XKR9: variants seen among roughly 807,000 people sequenced by gnomAD.
XKR9 encodes XK related 9.
XKR9 carries 32 observed loss-of-function variants against 32.0 expected under a neutral mutation model. The observed-to-expected ratio is 1.00, with a 90% CI of 0.76 to 1.34. XKR9 has a LOEUF of 1.34. XKR9 is among the 40% of genes most tolerant of loss of function. The pLI, the probability that XKR9 is intolerant of heterozygous loss-of-function variation, is 0.00. For missense variants in XKR9, 546 were observed against 429.7 expected, an observed-to-expected ratio of 1.27 and a Z score of -2.39; for synonymous variants, 168 against 143.4, an observed-to-expected ratio of 1.17 and a Z score of -1.22.
At chr8:70,952,328 T>A in the XKR9 span, among the ~76,000 whole-genome samples, 1 of 152,166 alleles carries the variant, frequency 6.6e-6, no homozygotes, top group South Asian at 2.1e-4. Flanking sequence ...TTTCCCCAAT[T>A]CTGTCCCCCA....
the XKR9 span, among the ~76,000 whole-genome samples, chr8:70,910,900 C>G: frequency 6.6e-6 from 1 of 152,216 alleles, no homozygotes; most frequent in African/African-American, 2.4e-5. Context: ...CTGTTCTCAG[C>G]TTCTAGAAGC....
the XKR9 span, among the ~76,000 whole-genome samples, chr8:71,017,806 A>G: frequency 6.6e-6 from 1 of 152,190 alleles, no homozygotes; most frequent in Non-Finnish European, 1.5e-5. Flanking sequence ...TAGTGATGCA[A>G]CTTGGTACTG....
the XKR9 span, among the ~76,000 whole-genome samples, chr8:71,010,895 T>C: frequency 1.3e-5 from 2 of 152,278 alleles, no homozygotes; most frequent in African/African-American, 4.8e-5. Context: ...AGCATGCAAA[T>C]TGTCATCCTA....
chr8:71,061,088 A>G, the XKR9 span, among the ~76,000 whole-genome samples: 1 of 152,200 alleles, frequency 6.6e-6, no homozygotes, highest in Non-Finnish European at 1.5e-5. Flanking sequence ...TATATATACA[A>G]GTAAAATGAG....
At chr8:70,870,433 T>A in the XKR9 span, among the ~76,000 whole-genome samples, 3 of 152,164 alleles carry the variant, frequency 2.0e-5, no homozygotes, top group Admixed American at 2.0e-4. Context: ...AGCCCAGACA[T>A]CACCAGAGAG....
At chr8:70,703,587 T>G (rs567453808) in intron 3 of XKR9, among the ~76,000 whole-genome samples, 1 of 152,270 alleles carries the variant, frequency 6.6e-6, no homozygotes, top group South Asian at 2.1e-4. Flanking sequence ...CATTGGGGAA[T>G]AGGTTTCAAC....
intron 2 of XKR9, among the ~76,000 whole-genome samples, chr8:70,771,636 G>T (rs1235839065): frequency 6.6e-6 from 1 of 152,144 alleles, no homozygotes; most frequent in Non-Finnish European, 1.5e-5. Context: ...ATTCTAGCTT[G>T]CATATGACAT....
downstream of XKR9, among the ~76,000 whole-genome samples, chr8:70,736,101 T>G (rs1806856507): frequency 1.3e-5 from 2 of 152,200 alleles, no homozygotes; most frequent in Non-Finnish European, 2.9e-5. Context: ...GTGTTCCTAT[T>G]TCTCCACATC....
At chr8:70,683,865 C>G (rs1018660450) in intron 3 of XKR9, among the ~76,000 whole-genome samples, 5 of 152,156 alleles carry the variant, frequency 3.3e-5, no homozygotes, top group Non-Finnish European at 7.3e-5. Flanking sequence ...GGTGACATCA[C>G]CTCTCAATTT....
chr8:70,801,317 C>T, the XKR9 span, among the ~76,000 whole-genome samples: 7 of 152,124 alleles, frequency 4.6e-5, no homozygotes, highest in African/African-American at 1.4e-4. Flanking sequence ...ACACTTCCCT[C>T]CTAACACTAA....
At chr8:71,027,257 C>A in the XKR9 span, among the ~76,000 whole-genome samples, 9 of 151,130 alleles carry the variant, frequency 6.0e-5, no homozygotes, top group African/African-American at 2.2e-4. Context: ...TTCTTTATTT[C>A]TATTTGATTC....
At chr8:71,037,374 G>A in the XKR9 span, among the ~76,000 whole-genome samples, 2 of 151,966 alleles carry the variant, frequency 1.3e-5, no homozygotes, top group Non-Finnish European at 2.9e-5. Flanking sequence ...TAGGTCAAAG[G>A]ACTGCAGGAA....
At chr8:70,826,858 CTATTT>C in the XKR9 span, among the ~76,000 whole-genome samples, 1,623 of 152,132 alleles carry the variant, frequency 0.011, 23 homozygotes, top group African/African-American at 0.035. Context: ...CATTCATATT[CTATTT>C]TAAGTGTAGT....
At chr8:71,050,850 T>C in the XKR9 span, among the ~76,000 whole-genome samples, 1 of 152,218 alleles carries the variant, frequency 6.6e-6, no homozygotes, top group Admixed American at 6.5e-5. Flanking sequence ...TCTTTTGCCA[T>C]CTGTTCTAGG....
chr8:70,673,059 C>A (rs1322742477), intron 1 of XKR9, among the ~76,000 whole-genome samples: 1 of 152,138 alleles, frequency 6.6e-6, no homozygotes, highest in Non-Finnish European at 1.5e-5. Flanking sequence ...GAAACTTTTT[C>A]ATTTAATATA....
intron 2 of XKR9, among the ~76,000 whole-genome samples, chr8:70,777,677 T>C (rs551092332): frequency 4.6e-5 from 7 of 152,356 alleles, no homozygotes; most frequent in Non-Finnish European, 1.0e-4. Context: ...TATCTCATTG[T>C]GGTTTTGACT....
chr8:71,039,086 G>A, the XKR9 span, among the ~76,000 whole-genome samples: 1 of 152,148 alleles, frequency 6.6e-6, no homozygotes, highest in African/African-American at 2.4e-5. Flanking sequence ...TAACAGGCAT[G>A]AGCCACCGTG....
chr8:70,931,862 T>C, the XKR9 span, among the ~76,000 whole-genome samples: 6 of 152,196 alleles, frequency 3.9e-5, no homozygotes, highest in African/African-American at 1.2e-4. Flanking sequence ...TGCTATGCCA[T>C]TAATGAGAGA....
chr8:70,955,166 T>G, the XKR9 span, among the ~76,000 whole-genome samples: 1 of 152,164 alleles, frequency 6.6e-6, no homozygotes, highest in Non-Finnish European at 1.5e-5. Flanking sequence ...GGGTTTTATG[T>G]GCTTTAAAAT....
Sources: gnomAD v4.1 joint callset for allele counts (sites outside exome capture counted in the v4.1 genomes callset) on GRCh38, gnomAD v4.1.1 for gene constraint, MANE v1.5 for transcripts, NCBI Gene and HGNC (gene_info 2026-07-23, HGNC 2026-07-21) for gene names.